Variants in LDHAL6A observed in about 807,000 individuals in gnomAD.
LDHAL6A encodes the protein L-lactate dehydrogenase A-like 6A.
In LDHAL6A, 19 loss-of-function variants were observed where a neutral mutation model predicts 28.2. The observed-to-expected ratio is 0.67, with a 90% CI of 0.47 to 0.99. The LOEUF is 0.99. LDHAL6A is among the 50% of genes least tolerant of loss of function. The probability of loss-of-function intolerance (pLI) is 0.00; values close to 1 mark genes in which losing one functional copy is unlikely to be tolerated. For synonymous variants in LDHAL6A, 144 were observed against 134.4 expected (o/e 1.07, Z -0.49); for missense variants, 372 against 398.6 (o/e 0.93, Z 0.57).
chr11:18,469,943 T>A (rs558007660), intron 3 of LDHAL6A, among the ~76,000 whole-genome samples: 1 of 152,030 alleles, frequency 6.6e-6, no homozygotes, highest in African/African-American at 2.4e-5. Flanking sequence ...TTATTTATTT[T>A]TTTGAGACAG....
intron 2 of LDHAL6A, among the ~76,000 whole-genome samples, chr11:18,464,968 G>GTTTTTTTTTTTTTTTTTTTTTTTTT (rs1565068644): frequency 2.6e-4 from 1 of 3,800 alleles, no homozygotes; most frequent in Non-Finnish European, 1.1e-3. Context: ...GAGGTGAGGT[G>GTTTTTTTTTTTTTTTTTTTTTTTTT]TTTTTTTTGT....
intron 4 of LDHAL6A, among the ~76,000 whole-genome samples, chr11:18,476,037 T>TAGC (rs552437628): frequency 1.3e-5 from 2 of 152,138 alleles, no homozygotes; most frequent in Non-Finnish European, 2.9e-5. Context: ...GCTGTGGTAA[T>TAGC]AGCAGTCTTT....
rs1849481750 is a variant in LDHAL6A at position 18,479,370 on chromosome 11, G to C, written c.*500G>C. 1 of 146,728 alleles carries C rather than the reference G, an allele frequency of 6.8e-6. No homozygotes were observed. The highest frequency in any genetic ancestry group is 2.6e-5 in the African/African-American group (1 of 38,996). 9.1% of individuals were successfully genotyped at this position (146,728 alleles called of 1,614,324 possible). A position where few individuals can be genotyped will look rare whatever the true frequency, so the allele number is the denominator to read the frequency against. On this transcript the variant is annotated 3_prime_UTR_variant, in exon 7 of 7. Transcript: ENST00000280706. The stretch of plus-strand genomic sequence containing the variant: ...TCAAAGATGTTTTTGGTACTTCTCA[G>C]TACTTGCCTTGTATGTATACGTAAT...
In LDHAL6A at chr11:18,469,808, CAATT is replaced by C. The variant is rs571862705; in HGVS notation, c.418+4001_418+4004del. On this transcript the variant is annotated intron_variant, in intron 3 of 6. Coordinates refer to ENST00000280706, the MANE Select transcript of LDHAL6A (RefSeq NM_144972.5). ...CAGGTGCTTCAAAAGTTAAGAGAAA[CAATT>C]AACTTCATTACTCTAATACAAAACA... Among the ~76,000 whole-genome samples, 892 of 152,260 alleles carry C rather than the reference CAATT, an allele frequency of 5.9e-3. 8 individuals carry two copies. Among genetic ancestry groups the C allele is most frequent in the African/African-American group, 0.021 (860 of 41,540 alleles).
chr11:18,478,389 T>C (rs1849443335), intron 6 of LDHAL6A, among the ~76,000 whole-genome samples: 1 of 152,092 alleles, frequency 6.6e-6, no homozygotes, highest in South Asian at 2.1e-4. Flanking sequence ...ATATGTCTAA[T>C]CATGTTTTAA....
At chr11:18,476,225 G>A (rs1849377132) in intron 4 of LDHAL6A, among the ~76,000 whole-genome samples, 159 bp from the exon 5 acceptor site, 1 of 152,206 alleles carries the variant, frequency 6.6e-6, no homozygotes, top group Non-Finnish European at 1.5e-5. Flanking sequence ...ATCCCCATCT[G>A]TGGAGATCTA....
intron 3 of LDHAL6A, among the ~76,000 whole-genome samples, chr11:18,469,842 C>G (rs1389639264): frequency 6.6e-6 from 1 of 152,078 alleles, no homozygotes; most frequent in Non-Finnish European, 1.5e-5. Context: ...AAAACAAAAA[C>G]AAAAACAAAA....
In LDHAL6A at chr11:18,475,629, C is replaced by T. The variant is rs765677612; in HGVS notation, c.582C>T (p.Gly194=). 1.2e-5 allele frequency: 19 copies of T among 1,612,334 alleles called. No individual in the cohort carries two copies. Among genetic ancestry groups the T allele is most frequent in the African/African-American group, 8.0e-5 (6 of 74,850 alleles). ...ATGGGCTGATCCTTGGAGAGCATGG[C>T]GACTCAAGTGGTAAGCCTGAGGCAC... ...SCHGLILGEH[G]DSSVPVWSGV... is the part of the protein sequence containing the mutation. Residue 194 remains glycine, a synonymous_variant, in exon 4 of 7, where the codon GGC becomes GGT. Transcript: ENST00000280706.
At chr11:18,461,767 G>A (rs1426775555) in intron 1 of LDHAL6A, among the ~76,000 whole-genome samples, 2 of 150,216 alleles carry the variant, frequency 1.3e-5, no homozygotes, top group Non-Finnish European at 3.0e-5. Context: ...CAGGAAAATC[G>A]CTTGAACCCG....
chr11:18,462,650 AC>A lies in LDHAL6A; in HGVS notation c.127-1310del, dbSNP rs1565067281. Among the ~76,000 whole-genome samples, 166 of 61,026 alleles carry A rather than the reference AC, an allele frequency of 2.7e-3. 7 individuals are homozygous for A. The highest frequency in any genetic ancestry group is 0.011 in the African/African-American group (122 of 10,992). 40.0% of individuals were successfully genotyped at this position (61,026 alleles called of 152,430 possible). On this transcript the variant is annotated intron_variant, in intron 1 of 6. Transcript: ENST00000280706. ...AGACTCTGTCTCAAAAAACAAACAA[AC>A]AAACAAAAAAAAAAACAAAAAAAAC...
At chr11:18,466,751 A>G (rs1407668542) in intron 3 of LDHAL6A, among the ~76,000 whole-genome samples, 1 of 152,070 alleles carries the variant, frequency 6.6e-6, no homozygotes, top group East Asian at 1.9e-4. Flanking sequence ...TGTTTTCCAA[A>G]TTACTGTTTG....
intron 1 of LDHAL6A, among the ~76,000 whole-genome samples, chr11:18,459,001 GA>G (rs1848827783): frequency 6.6e-6 from 1 of 152,132 alleles, no homozygotes; most frequent in East Asian, 1.9e-4. Context: ...TTATTTTTTA[GA>G]ATAGTTTTAG....
chr11:18,458,381 G>A (rs3993285), intron 1 of LDHAL6A, among the ~76,000 whole-genome samples: 55,888 of 151,848 alleles, frequency 0.37, 11,330 homozygotes, highest in African/African-American at 0.54. Flanking sequence ...AATGCCACCT[G>A]TAGCACCCAT....
At chr11:18,469,273 A>C in intron 3 of LDHAL6A, 1 of 559,482 alleles carries the variant, frequency 1.8e-6, no homozygotes, top group Non-Finnish European at 3.1e-6. Flanking sequence ...TCCCCAACCT[A>C]CTTTGATTTG....
chr11:18,461,247 C>A (rs892730327), intron 1 of LDHAL6A, among the ~76,000 whole-genome samples: 1 of 151,652 alleles, frequency 6.6e-6, no homozygotes, highest in African/African-American at 2.4e-5. Context: ...TGGGTTCAAG[C>A]GATTCATCTG....
chr11:18,467,940 C>T lies in LDHAL6A; in HGVS notation c.418+2130C>T, dbSNP rs376993156. Among the ~76,000 whole-genome samples the T allele has an allele frequency of 4.1e-4, 23 of 55,776 alleles. 3 individuals are homozygous for T. The highest frequency in any genetic ancestry group is 1.4e-3 in the Admixed American group (6 of 4,398). The allele number at this position is 55,776 out of a possible 152,430, so 36.6% of individuals were successfully genotyped here. A position where few individuals can be genotyped will look rare whatever the true frequency, so the allele number is the denominator to read the frequency against. Reference sequence around the variant, plus strand: ...ATATACACACACATATATATATACACACACATATATATATACGTATATATA... The same window carrying T: ...ATATACACACACATATATATATACATACACATATATATATACGTATATATA... On this transcript the variant is annotated intron_variant, in intron 3 of 6. Transcript: ENST00000280706.
intron 3 of LDHAL6A, among the ~76,000 whole-genome samples, chr11:18,474,111 GCT>G (rs1849310944): frequency 1.3e-5 from 2 of 151,984 alleles, no homozygotes; most frequent in African/African-American, 4.8e-5. Flanking sequence ...ACGGAGTCTT[GCT>G]CTGTCGCCCA....
rs376670096 is a variant in LDHAL6A at position 18,475,467 on chromosome 11, G to A, written c.420G>A (p.Val140=). The stretch of plus-strand genomic sequence containing the variant: ...TTGATATGAACTTTTTCTTCTTAGT[G>A]GATATCTTAACTTATGTAGCCTGGA... The part of the protein sequence containing the change: ...HCKLLIVTNP[V]DILTYVAWKL... The change falls in exon 4 of 7, where the codon GTG becomes GTA. Residue 140 remains valine, a splice_region_variant and synonymous_variant. Coordinates refer to ENST00000280706, the MANE Select transcript of LDHAL6A (RefSeq NM_144972.5). The A allele has an allele frequency of 3.7e-6, 6 of 1,609,832 alleles. No homozygotes were observed. The African/African-American group carries it at 8.0e-5, about 22-fold the overall frequency.
intron 2 of LDHAL6A, among the ~76,000 whole-genome samples, chr11:18,465,366 A>G (rs1849037626): frequency 6.7e-6 from 1 of 149,890 alleles, no homozygotes; most frequent in Non-Finnish European, 1.5e-5. Flanking sequence ...CATTTGATGG[A>G]CCCACCTCGA....
Sources: gnomAD v4.1 joint callset for allele counts (sites outside exome capture counted in the v4.1 genomes callset) on GRCh38, gnomAD v4.1.1 for gene constraint, MANE v1.5 for transcripts, NCBI Gene and HGNC (gene_info 2026-07-23, HGNC 2026-07-21) for gene names.